Variants in FIGNL2 observed in about 807,000 individuals in gnomAD.
FIGNL2 encodes fidgetin-like protein 2.
For synonymous variants in FIGNL2, 565 were observed against 484.0 expected (o/e 1.17, Z -2.20); for missense variants, 1,060 against 950.2 (o/e 1.12, Z -1.52).
chr12:51,832,452 C>G (rs1035924754), intron 1 of FIGNL2, among the ~76,000 whole-genome samples: 14 of 152,020 alleles, frequency 9.2e-5, no homozygotes, highest in Non-Finnish European at 1.8e-4. Flanking sequence ...GCATTTACCC[C>G]CAACACTCCA....
intron 1 of FIGNL2, among the ~76,000 whole-genome samples, chr12:51,843,947 G>C (rs1939704064): frequency 6.6e-6 from 1 of 151,884 alleles, no homozygotes; most frequent in African/African-American, 2.4e-5. Flanking sequence ...GGCAAGCACT[G>C]CTGTGGGCCA....
intron 1 of FIGNL2, among the ~76,000 whole-genome samples, chr12:51,834,631 G>A (rs1262243661): frequency 2.6e-5 from 4 of 152,196 alleles, no homozygotes; most frequent in East Asian, 3.9e-4. Flanking sequence ...GCAGGAGGTC[G>A]GCCTGGGAGA....
chr12:51,844,886 C>G (rs1939718943), intron 1 of FIGNL2: 1 of 985,218 alleles, frequency 1.0e-6, no homozygotes, highest in Admixed American at 6.2e-5. Context: ...TCTGGCGGTC[C>G]TACTGCAAGT....
At chr12:51,847,870 C>A in intron 1 of FIGNL2, 1 of 975,470 alleles carries the variant, frequency 1.0e-6, no homozygotes, top group African/African-American at 1.8e-5. Context: ...CCGGGGGTCC[C>A]CCTTGTTGCC....
chr12:51,842,705 C>T (rs1227569903), intron 1 of FIGNL2, among the ~76,000 whole-genome samples: 1 of 152,156 alleles, frequency 6.6e-6, no homozygotes, highest in Non-Finnish European at 1.5e-5. Flanking sequence ...AGGCAAGCCC[C>T]TGCTGTCAGA....
chr12:51,823,068 G>T (rs1939260972), intron 1 of FIGNL2, among the ~76,000 whole-genome samples: 1 of 152,194 alleles, frequency 6.6e-6, no homozygotes, highest in Non-Finnish European at 1.5e-5. Flanking sequence ...AACCTCAGTG[G>T]CTGACCCAGA....
intron 1 of FIGNL2, chr12:51,848,267 G>C (rs1939795185): frequency 1.0e-6 from 1 of 984,760 alleles, no homozygotes; most frequent in Non-Finnish European, 1.2e-6. Flanking sequence ...CCCCGCACCA[G>C]AGGGGGCTGC....
chr12:51,822,690 AGGCAATGGTTATTATTTTTGTCCT>A (rs1939250426), intron 1 of FIGNL2, among the ~76,000 whole-genome samples: 2 of 152,346 alleles, frequency 1.3e-5, no homozygotes, highest in South Asian at 4.1e-4. Flanking sequence ...TTCACCTTGT[AGGCAATGGTTATTATTTTTGTCCT>A]GGCCACTCCA....
intron 1 of FIGNL2, 90 bp from the exon 2 acceptor site, chr12:51,822,514 C>CGGCTTGGACAGGCTG (rs1401223175): frequency 6.7e-7 from 1 of 1,486,210 alleles, no homozygotes; most frequent in Non-Finnish European, 9.2e-7. Flanking sequence ...GCCTAGACTG[C>CGGCTTGGACAGGCTG]GGCTTGGACA....
rs1565942187 is a variant in FIGNL2, at chr12:51,821,811, C to T, written c.603G>A (p.Pro201=). 3 of 1,274,030 alleles carry T rather than the reference C, an allele frequency of 2.4e-6. No homozygotes were observed. The highest frequency in any genetic ancestry group is 3.0e-6 in the Non-Finnish European group (3 of 1,015,306). The allele number at this position is 1,274,030 out of a possible 1,614,324, so 78.9% of individuals were successfully genotyped here. The part of the protein sequence containing the change: ...PPPPGYGPSA[P]LYNYPAGGYA... Reference sequence around the variant, plus strand: ...AGCCCCCTGCGGGATAGTTGTACAGCGGCGCTGAGGGCCCGTACCCCGGAG... The same window carrying T: ...AGCCCCCTGCGGGATAGTTGTACAGTGGCGCTGAGGGCCCGTACCCCGGAG... The change falls in exon 2 of 2, where the codon CCG becomes CCA. Residue 201 remains proline (P), a synonymous_variant. Transcript: ENST00000618634.
intron 1 of FIGNL2, among the ~76,000 whole-genome samples, chr12:51,845,257 A>G (rs770320302): frequency 6.6e-6 from 1 of 152,214 alleles, no homozygotes; most frequent in Non-Finnish European, 1.5e-5. Flanking sequence ...AGGCCAATTC[A>G]GTGGCTGCTC....
intron 1 of FIGNL2, chr12:51,844,645 G>A: frequency 2.1e-6 from 2 of 956,876 alleles, no homozygotes; most frequent in Non-Finnish European, 2.5e-6. Context: ...TAACAAGTGT[G>A]TGGAAGCGTT....
At chr12:51,825,316 G>A (rs1486320658) in intron 1 of FIGNL2, among the ~76,000 whole-genome samples, 3 of 151,980 alleles carry the variant, frequency 2.0e-5, no homozygotes, top group Non-Finnish European at 4.4e-5. Context: ...CTTCCCCACC[G>A]CCAGCCCCTA....
chr12:51,840,460 G>C (rs1286590349), intron 1 of FIGNL2, among the ~76,000 whole-genome samples: 2 of 152,244 alleles, frequency 1.3e-5, no homozygotes, highest in Admixed American at 1.3e-4. Context: ...CATTGGCCAG[G>C]CACGGTGGTT....
Position 51,820,548 on chromosome 12 carries a change from G to A in FIGNL2, c.1866C>T (p.Asp622=). 1.9e-6 allele frequency: 3 copies of A among 1,542,898 alleles called. No homozygotes were observed. Among genetic ancestry groups the A allele is most frequent in the South Asian group, 1.2e-5 (1 of 84,568 alleles). Residue 622 remains aspartate (D), a synonymous_variant, in exon 2 of 2, where the codon GAC becomes GAT. Transcript: ENST00000618634. ...CCACCTTGGCCAGCGCCGCCTCCAG[G>A]TCCTTGTAGGAGAGGGGGCGCTGCA... ...PGLQRPLSYK[D]LEAALAKVGP...
intron 1 of FIGNL2, chr12:51,844,993 G>C: frequency 1.9e-6 from 1 of 528,990 alleles, no homozygotes; most frequent in Non-Finnish European, 2.4e-6. Flanking sequence ...ATGGACTGGG[G>C]TGAGGGTTTC....
At chr12:51,845,284 A>G (rs1939728948) in intron 1 of FIGNL2, among the ~76,000 whole-genome samples, 1 of 152,146 alleles carries the variant, frequency 6.6e-6, no homozygotes, top group South Asian at 2.1e-4. Context: ...GCTCTAACAG[A>G]TTTCTTGCTT....
chr12:51,823,477 C>G (rs1450140451), intron 1 of FIGNL2: 1 of 152,218 alleles, frequency 6.6e-6, no homozygotes, highest in African/African-American at 2.4e-5. Flanking sequence ...TAAACAACGT[C>G]CTTCTTGCCA....
Position 51,821,990 on chromosome 12 carries a change from G to C in FIGNL2, c.424C>G (p.Pro142Ala). 1 of 1,581,478 alleles carries C rather than the reference G, an allele frequency of 6.3e-7. No homozygotes were observed. Among genetic ancestry groups the C allele is most frequent in the South Asian group, 1.2e-5 (1 of 86,776 alleles). The part of the protein sequence containing the change: ...SPVLAGNLPE[P>A]LYAGNACGGP... ...CCGCACGCATTGCCGGCGTAGAGGG[G>C]TTCAGGGAGGTTCCCGGCTAAAACT... The change falls in exon 2 of 2, where the codon CCC becomes GCC. Residue 142 changes from proline (P) to alanine (A), a missense_variant. Physicochemically the swap from Pro to Ala is conservative, Grantham distance 27. Transcript: ENST00000618634.
Sources: allele counts gnomAD v4.1 joint callset (sites outside exome capture counted in the v4.1 genomes callset), GRCh38; gene constraint gnomAD v4.1.1; transcripts MANE v1.5; gene names NCBI Gene and HGNC (gene_info 2026-07-23, HGNC 2026-07-21).